Variants in EFR3A observed in about 807,000 individuals in gnomAD.
The protein encoded by EFR3A is protein EFR3 homolog A.
In EFR3A, 76 loss-of-function variants were observed where a neutral mutation model predicts 104.4. The ratio of observed to expected loss-of-function variants is 0.73; its 90% CI spans 0.60 to 0.88. EFR3A has a LOEUF of 0.88. Among genes scored for constraint, EFR3A ranks in the 40% least tolerant of loss-of-function variants. The pLI, the probability that EFR3A is intolerant of heterozygous loss-of-function variation, is 0.00. For missense variants in EFR3A, 985 were observed against 1,012.5 expected (o/e 0.97, Z 0.37); for synonymous variants, 330 against 330.0 (o/e 1.00, Z 0.00).
chr8:132,001,944 C>G, intron 20 of EFR3A, 137 bp downstream of exon 20: 1 of 703,506 alleles, frequency 1.4e-6, no homozygotes. Flanking sequence ...AGACATGTAT[C>G]ATTTATTTAG....
chr8:131,971,547 G>A (rs1328922556), intron 10 of EFR3A, among the ~76,000 whole-genome samples: 2 of 152,084 alleles, frequency 1.3e-5, no homozygotes, highest in Non-Finnish European at 1.5e-5. Context: ...AATTAGCCGG[G>A]CGAGGTGGCG....
intron 5 of EFR3A, 33 bp from the exon 6 acceptor site, chr8:131,953,785 G>C: frequency 1.3e-6 from 2 of 1,481,978 alleles, no homozygotes; most frequent in Non-Finnish European, 1.8e-6. Flanking sequence ...TTTTTTTATG[G>C]CTCATTTTCT....
Position 131,978,837 on chromosome 8 carries a change from C to A in EFR3A, c.1327-10C>A. ...GACAAAAGGTTGTTTGTTTTCTTCT[C>A]GATAATCAGGTGACCTCTGGATATA... On this transcript the variant is annotated splice_polypyrimidine_tract_variant and intron_variant, in intron 12 of 22. Coordinates refer to ENST00000254624, the MANE Select transcript of EFR3A (RefSeq NM_015137.6). 1.3e-6 allele frequency: 2 copies of A among 1,520,190 alleles called. No homozygotes were observed. The highest frequency in any genetic ancestry group is 1.4e-5 in the South Asian group (1 of 72,296). The allele number at this position is 1,520,190 out of a possible 1,614,324, so 94.2% of individuals were successfully genotyped here.
At chr8:131,964,512 CAGGGGATGTGA>C (rs1424297145) in intron 8 of EFR3A, among the ~76,000 whole-genome samples, 1 of 152,088 alleles carries the variant, frequency 6.6e-6, no homozygotes, top group Admixed American at 6.5e-5. Context: ...ATCCAACTTA[CAGGGGATGTGA>C]AGGACCTCTT....
chr8:132,003,301 T>C lies in EFR3A; in HGVS notation c.2360+16T>C, dbSNP rs575141341. 13 of 1,609,952 alleles carry C rather than the reference T, an allele frequency of 8.1e-6. No individual in the cohort carries two copies. The South Asian group carries it at 8.9e-5, about 11-fold the overall frequency. Reference sequence around the variant, plus strand: ...TCACCATACGGTAAGGGTTTTGTTATCACAATAGCAATAACACACACACAC... The same window carrying C: ...TCACCATACGGTAAGGGTTTTGTTACCACAATAGCAATAACACACACACAC... On this transcript the variant is annotated intron_variant, in intron 22 of 22. Coordinates refer to ENST00000254624, the MANE Select transcript of EFR3A (RefSeq NM_015137.6).
At chr8:131,969,206 A>T (rs1421604860) in intron 9 of EFR3A, among the ~76,000 whole-genome samples, 1 of 152,180 alleles carries the variant, frequency 6.6e-6, no homozygotes, top group Non-Finnish European at 1.5e-5. Flanking sequence ...TACAAAAATG[A>T]AATAGTGCAT....
rs1399324608 is a variant in EFR3A at position 132,011,688 on chromosome 8, C to T, written c.*793C>T. On this transcript the variant is annotated 3_prime_UTR_variant, in exon 23 of 23. Coordinates refer to ENST00000254624, the MANE Select transcript of EFR3A (RefSeq NM_015137.6). Reference sequence around the variant, plus strand: ...AAATTATAGTAGTATTTTGCTGTGGCTCCATTAATTAAATGAGATATATAT... The same window carrying T: ...AAATTATAGTAGTATTTTGCTGTGGTTCCATTAATTAAATGAGATATATAT... The T allele has an allele frequency of 6.5e-6, 1 of 153,382 alleles. No homozygotes were observed. Among genetic ancestry groups the T allele is most frequent in the Admixed American group, 6.6e-5 (1 of 15,254 alleles). 9.5% of individuals were successfully genotyped at this position (153,382 alleles called of 1,614,324 possible). A position where few individuals can be genotyped will look rare whatever the true frequency, so the allele number is the denominator to read the frequency against.
At chr8:131,924,339 C>T (rs968503096) in intron 1 of EFR3A, 17 of 258,310 alleles carry the variant, frequency 6.6e-5, no homozygotes, top group Non-Finnish European at 1.3e-4. Context: ...TATCCTTTGA[C>T]ACGTGAAAAG....
At chr8:132,002,838 T>TTATTAAAGG in intron 21 of EFR3A, 132 bp downstream of exon 21, 1 of 675,418 alleles carries the variant, frequency 1.5e-6, no homozygotes, top group South Asian at 2.2e-5. Flanking sequence ...AGATAAGGAC[T>TTATTAAAGG]GAAACTCTGA....
At chr8:131,977,832 T>C (rs1820403310) in intron 12 of EFR3A, among the ~76,000 whole-genome samples, 1 of 152,174 alleles carries the variant, frequency 6.6e-6, no homozygotes, top group African/African-American at 2.4e-5. Context: ...GCCAGATTTA[T>C]CAGTTTTTTC....
chr8:131,960,240 A>G (rs1819237246), intron 8 of EFR3A, among the ~76,000 whole-genome samples: 1 of 152,198 alleles, frequency 6.6e-6, no homozygotes, highest in Admixed American at 6.5e-5. Context: ...CTTGAATAAC[A>G]TGAGTTTCAA....
rs1822442966 is a variant in EFR3A at position 132,013,280 on chromosome 8, CTG to C, written c.*2388_*2389del. The C allele has an allele frequency of 6.6e-6, 1 of 152,548 alleles. No individual in the cohort carries two copies. Among genetic ancestry groups the C allele is most frequent in the Non-Finnish European group, 1.5e-5 (1 of 68,002 alleles). 9.4% of individuals were successfully genotyped at this position (152,548 alleles called of 1,614,324 possible). A position where few individuals can be genotyped will look rare whatever the true frequency, so the allele number is the denominator to read the frequency against. The stretch of plus-strand genomic sequence containing the variant: ...AATGTTCCTCCTGTACTTGTGTTGT[CTG>C]TGACCGCTTATAGAGTTTTATTGTT... On this transcript the variant is annotated 3_prime_UTR_variant, in exon 23 of 23. Coordinates refer to ENST00000254624, the MANE Select transcript of EFR3A (RefSeq NM_015137.6).
intron 8 of EFR3A, among the ~76,000 whole-genome samples, chr8:131,966,288 T>G (rs1300768326): frequency 6.6e-6 from 1 of 152,106 alleles, no homozygotes; most frequent in Non-Finnish European, 1.5e-5. Flanking sequence ...ACTTGCCTTA[T>G]TTATACTGTG....
intron 1 of EFR3A, 26 bp downstream of exon 1, chr8:131,904,348 G>T (rs1476283500): frequency 2.4e-6 from 3 of 1,246,230 alleles, no homozygotes; most frequent in Admixed American, 4.2e-5. Flanking sequence ...AGGGCCGGGG[G>T]CGTTGGGAGG....
intron 1 of EFR3A, among the ~76,000 whole-genome samples, chr8:131,923,880 G>A (rs904066056): frequency 1.3e-5 from 2 of 152,036 alleles, no homozygotes; most frequent in Admixed American, 6.6e-5. Context: ...ACTAAGCGAA[G>A]ATGAATGAAA....
intron 19 of EFR3A, among the ~76,000 whole-genome samples, chr8:131,997,077 C>T (rs1821532493): frequency 1.3e-5 from 2 of 151,956 alleles, no homozygotes; most frequent in African/African-American, 4.8e-5. Context: ...GCTCTCCTCC[C>T]GTTTCAAAAA....
intron 8 of EFR3A, among the ~76,000 whole-genome samples, chr8:131,966,976 T>A (rs914247522): frequency 7.9e-5 from 12 of 152,202 alleles, no homozygotes; most frequent in African/African-American, 2.9e-4. Flanking sequence ...TTGCTTAGTA[T>A]AGTCGTACTT....
rs560163089 is a variant in EFR3A at position 131,914,701 on chromosome 8, C to T, written c.10+10379C>T. Among the ~76,000 whole-genome samples, 7 of 151,966 alleles carry T rather than the reference C, an allele frequency of 4.6e-5. No homozygotes were observed. The South Asian group carries it at 1.0e-3, about 23-fold the overall frequency. On this transcript the variant is annotated intron_variant, in intron 1 of 22. Coordinates refer to ENST00000254624, the MANE Select transcript of EFR3A (RefSeq NM_015137.6). ...TTACAGGTTAGTTAATAGGTAAACT[C>T]GTGTCACAGGGGATTGTTGTAGTAC... is the stretch of plus-strand genomic sequence containing the variant.
At chr8:131,947,454 A>G (rs573572849) in intron 4 of EFR3A, among the ~76,000 whole-genome samples, 20 of 149,474 alleles carry the variant, frequency 1.3e-4, no homozygotes, top group South Asian at 2.1e-4. Context: ...CTCCATTTCT[A>G]TGGTTTTGTC....
Sources: gnomAD v4.1 joint callset for allele counts (sites outside exome capture counted in the v4.1 genomes callset) on GRCh38, gnomAD v4.1.1 for gene constraint, MANE v1.5 for transcripts, NCBI Gene and HGNC (gene_info 2026-07-23, HGNC 2026-07-21) for gene names.